MCU: variants seen among roughly 807,000 people sequenced by gnomAD.
MCU encodes mitochondrial calcium uniporter.
Under a neutral mutation model 45.2 loss-of-function variants are expected in MCU, and 12 were observed. That is an observed-to-expected ratio of 0.27 (90% CI 0.17 to 0.43). The LOEUF is 0.43. Ranked by LOEUF, MCU falls within the 20% of genes least tolerant of loss-of-function variation. The pLI, the probability that MCU is intolerant of heterozygous loss-of-function variation, is 1.00. For synonymous variants in MCU, 160 were observed against 165.1 expected (o/e 0.97, Z 0.24); for missense variants, 324 against 436.7 (o/e 0.74, Z 2.30).
chr10:72,697,582 C>T (rs1842706154), intron 1 of MCU, among the ~76,000 whole-genome samples: 1 of 151,498 alleles, frequency 6.6e-6, no homozygotes, highest in Non-Finnish European at 1.5e-5. Context: ...TACAGGTGTG[C>T]ACCACCACGC....
intron 1 of MCU, among the ~76,000 whole-genome samples, chr10:72,737,496 G>A (rs1301973547): frequency 1.3e-5 from 2 of 151,840 alleles, no homozygotes; most frequent in Admixed American, 6.6e-5. Context: ...AGGAAAGTTG[G>A]CGCGTTATTT....
chr10:72,801,074 T>C (rs1844332483), intron 1 of MCU, among the ~76,000 whole-genome samples: 1 of 152,022 alleles, frequency 6.6e-6, no homozygotes, highest in South Asian at 2.1e-4. Flanking sequence ...GCCTGAACGA[T>C]AGAGTGAGAC....
At position 72,844,914 on chromosome 10, in the gene MCU, A is replaced by G. The variant is rs77407553; in HGVS notation, c.220+10486A>G. Among the ~76,000 whole-genome samples, 5 of 152,286 alleles carry G rather than the reference A, an allele frequency of 3.3e-5. No individual in the cohort carries two copies. The East Asian group carries it at 9.6e-4, about 29-fold the overall frequency. ...TATGAAGAATGAATTTATAAACTCA[A>G]TGCAATGCTAATCAAAACCCCAGTA... On this transcript the variant is annotated intron_variant, in intron 2 of 7. Coordinates refer to ENST00000373053, the MANE Select transcript of MCU (RefSeq NM_138357.3).
At position 72,735,665 on chromosome 10, in the gene MCU, G is replaced by T. The variant is rs192638692; in HGVS notation, c.150+43364G>T. 6.0e-3 allele frequency among the ~76,000 whole-genome samples: 919 copies of T among 152,326 alleles called. 5 individuals are homozygous for T. Among genetic ancestry groups the T allele is most frequent in the Non-Finnish European group, 0.011 (744 of 68,018 alleles). ...CACTCAGTATTAGAATAAAGCTGTT[G>T]TAAGGTAGAGTGGACTGCCTTGGGA... On this transcript the variant is annotated intron_variant, in intron 1 of 7. Coordinates refer to ENST00000373053, the MANE Select transcript of MCU (RefSeq NM_138357.3).
At chr10:72,811,240 G>T (rs544141099) in intron 1 of MCU, among the ~76,000 whole-genome samples, 74 of 152,224 alleles carry the variant, frequency 4.9e-4, no homozygotes, top group Non-Finnish European at 9.0e-4. Context: ...CAGTTCGGTT[G>T]TGGTGGCTGT....
chr10:72,786,605 G>A (rs1844074572), intron 1 of MCU, among the ~76,000 whole-genome samples: 1 of 152,070 alleles, frequency 6.6e-6, no homozygotes, highest in South Asian at 2.1e-4. Flanking sequence ...AATTAGCAGG[G>A]CGTGGTGGCA....
chr10:72,781,233 T>C (rs145350311), intron 1 of MCU, among the ~76,000 whole-genome samples: 1 of 152,320 alleles, frequency 6.6e-6, no homozygotes, highest in Non-Finnish European at 1.5e-5. Context: ...TAAGAAATTA[T>C]TGAGGCTGAG....
rs570579717 is a variant in MCU at position 72,760,859 on chromosome 10, A to G, written c.150+68558A>G. On this transcript the variant is annotated intron_variant, in intron 1 of 7. Transcript: ENST00000373053. ...GAGCCACTGTGCCAGGCCCATAGATATTTTCATTCCTATTCAATAGACAAG... is the reference window on the plus strand; with the variant it reads ...GAGCCACTGTGCCAGGCCCATAGATGTTTTCATTCCTATTCAATAGACAAG... Among the ~76,000 whole-genome samples the G allele has an allele frequency of 6.6e-5, 10 of 151,510 alleles. No individual in the cohort carries two copies. The South Asian group carries it at 2.1e-3, about 32-fold the overall frequency.
At chr10:72,748,237 G>C (rs1589442773) in intron 1 of MCU, among the ~76,000 whole-genome samples, 1 of 152,112 alleles carries the variant, frequency 6.6e-6, no homozygotes, top group African/African-American at 2.4e-5. Flanking sequence ...TAGTAGAGAT[G>C]CGGTTTCACC....
chr10:72,699,902 T>G (rs1842736227), intron 1 of MCU, among the ~76,000 whole-genome samples: 1 of 150,434 alleles, frequency 6.6e-6, no homozygotes, highest in Non-Finnish European at 1.5e-5. Flanking sequence ...GAAATGGTTT[T>G]TTTCTTAGTA....
In MCU at chr10:72,886,880, G is replaced by A. The variant is rs1337016508; in HGVS notation, c.*1058G>A. 1 of 152,254 alleles carries A rather than the reference G, an allele frequency of 6.6e-6. No individual in the cohort carries two copies. The highest frequency in any genetic ancestry group is 1.5e-5 in the Non-Finnish European group (1 of 68,024). The allele number at this position is 152,254 out of a possible 1,614,324, so 9.4% of individuals were successfully genotyped here. A position where few individuals can be genotyped will look rare whatever the true frequency, so the allele number is the denominator to read the frequency against. ...CTCCACAACTTCAGTTGTAAATCAAGTGTGTGGATCTCAAAGGGTGCAATT... is the reference window on the plus strand; with the variant it reads ...CTCCACAACTTCAGTTGTAAATCAAATGTGTGGATCTCAAAGGGTGCAATT... On this transcript the variant is annotated 3_prime_UTR_variant, in exon 8 of 8. Coordinates refer to ENST00000373053, the MANE Select transcript of MCU (RefSeq NM_138357.3).
At chr10:72,850,654 G>T (rs1589495712) in intron 2 of MCU, among the ~76,000 whole-genome samples, 1 of 152,024 alleles carries the variant, frequency 6.6e-6, no homozygotes, top group African/African-American at 2.4e-5. Flanking sequence ...GCAATTGTTT[G>T]TAGTTCCTGC....
intron 1 of MCU, among the ~76,000 whole-genome samples, chr10:72,831,146 C>T (rs1174468667): frequency 2.0e-5 from 3 of 152,086 alleles, no homozygotes; most frequent in African/African-American, 7.2e-5. Context: ...GAATATGAAT[C>T]GTTAAAACCT....
chr10:72,837,439 TCCCAGTTCTAC>T (rs1419159323), intron 2 of MCU, among the ~76,000 whole-genome samples: 1 of 152,170 alleles, frequency 6.6e-6, no homozygotes, highest in African/African-American at 2.4e-5. Context: ...TAGGTTTATA[TCCCAGTTCTAC>T]CACTTAACCT....
intron 2 of MCU, among the ~76,000 whole-genome samples, chr10:72,835,774 T>TA (rs1465493504): frequency 6.6e-6 from 1 of 152,144 alleles, no homozygotes; most frequent in African/African-American, 2.4e-5. Flanking sequence ...GACAAAAAAC[T>TA]AAAAATTAGT....
chr10:72,868,582 T>G (rs1422040412), intron 4 of MCU, 121 bp from the exon 5 acceptor site: 3 of 816,292 alleles, frequency 3.7e-6, no homozygotes, highest in Non-Finnish European at 5.7e-6. Flanking sequence ...GCTATTACTT[T>G]CCTTCAGTTT....
intron 1 of MCU, among the ~76,000 whole-genome samples, chr10:72,707,591 G>A (rs977769248): frequency 2.0e-5 from 3 of 148,452 alleles, no homozygotes; most frequent in Admixed American, 6.9e-5. Context: ...AAATGAAGAG[G>A]TGGTCGTGGT....
intron 1 of MCU, among the ~76,000 whole-genome samples, chr10:72,703,363 G>T (rs1386311884): frequency 6.6e-6 from 1 of 152,162 alleles, no homozygotes; most frequent in Non-Finnish European, 1.5e-5. Flanking sequence ...CACAGTAAAT[G>T]ACTTAACCAT....
chr10:72,774,256 G>A (rs994986894), intron 1 of MCU, among the ~76,000 whole-genome samples: 8 of 152,172 alleles, frequency 5.3e-5, no homozygotes, highest in Admixed American at 6.5e-5. Flanking sequence ...GAGTCAAAAT[G>A]TGGAGGAGAT....
Sources: allele counts gnomAD v4.1 joint callset (sites outside exome capture counted in the v4.1 genomes callset), GRCh38; gene constraint gnomAD v4.1.1; transcripts MANE v1.5; gene names NCBI Gene and HGNC (gene_info 2026-07-23, HGNC 2026-07-21).